Variants in REDIC1 observed in about 807,000 individuals in gnomAD.
The protein encoded by REDIC1 is regulator of DNA class I crossover intermediates 1, also known as HEI10 Interacting Protein 1.
the REDIC1 span, among the ~76,000 whole-genome samples, chr12:39,698,716 T>G: frequency 6.6e-6 from 1 of 152,122 alleles, no homozygotes; most frequent in African/African-American, 2.4e-5. Context: ...ACATGAAAAT[T>G]AAACAGTATG....
the REDIC1 span, among the ~76,000 whole-genome samples, chr12:39,786,346 C>T: frequency 2.6e-5 from 4 of 152,330 alleles, no homozygotes; most frequent in African/African-American, 9.6e-5. Flanking sequence ...TTGCTGCTGC[C>T]ATGTAAGAAG....
At chr12:39,867,139 T>C in the REDIC1 span, among the ~76,000 whole-genome samples, 1 of 152,228 alleles carries the variant, frequency 6.6e-6, no homozygotes, top group South Asian at 2.1e-4. Flanking sequence ...CCATGAGATT[T>C]ACTGTTAGTC....
chr12:39,801,354 A>T, the REDIC1 span, among the ~76,000 whole-genome samples: 4 of 150,586 alleles, frequency 2.7e-5, no homozygotes, highest in Non-Finnish European at 5.9e-5. Flanking sequence ...AAAAAAAAAA[A>T]AAAAAAGAAA....
the REDIC1 span, among the ~76,000 whole-genome samples, chr12:39,733,248 G>GAA: frequency 6.6e-6 from 1 of 152,094 alleles, no homozygotes; most frequent in Non-Finnish European, 1.5e-5. Context: ...ATAAAATGTT[G>GAA]AAATGTTTGA....
chr12:39,690,400 G>T, the REDIC1 span, among the ~76,000 whole-genome samples: 2 of 152,108 alleles, frequency 1.3e-5, no homozygotes, highest in African/African-American at 4.8e-5. Context: ...GTATTCACCA[G>T]AGAAGTGGAG....
At chr12:39,650,172 T>C in the REDIC1 span, 1 of 1,338,378 alleles carries the variant, frequency 7.5e-7, no homozygotes, top group South Asian at 2.0e-5. The surrounding 1 kb of genome is among the most constrained non-coding windows in gnomAD (Gnocchi z 4.3). Flanking sequence ...CATTTTATGG[T>C]AAATAATTTA....
chr12:39,879,123 A>C, the REDIC1 span, among the ~76,000 whole-genome samples: 1 of 152,256 alleles, frequency 6.6e-6, no homozygotes, highest in South Asian at 2.1e-4. Flanking sequence ...GCAGAATGCA[A>C]AAGTGAAGAA....
At chr12:39,690,016 G>T in the REDIC1 span, among the ~76,000 whole-genome samples, 1 of 152,158 alleles carries the variant, frequency 6.6e-6, no homozygotes, top group Non-Finnish European at 1.5e-5. Flanking sequence ...ACTTTAAATT[G>T]TGATGCCTGG....
the REDIC1 span, among the ~76,000 whole-genome samples, chr12:39,863,032 A>T: frequency 6.6e-6 from 1 of 152,166 alleles, no homozygotes; most frequent in African/African-American, 2.4e-5. Context: ...ATTCCCACAA[A>T]GCCTAATATG....
the REDIC1 span, among the ~76,000 whole-genome samples, chr12:39,706,535 G>A: frequency 6.6e-6 from 1 of 151,880 alleles, no homozygotes; most frequent in Non-Finnish European, 1.5e-5. Context: ...TGAAGGAATA[G>A]CATTCTCTTA....
chr12:39,641,023 A>C, the REDIC1 span: 1 of 1,577,466 alleles, frequency 6.3e-7, no homozygotes, highest in South Asian at 1.1e-5. Flanking sequence ...TATTTTTGTC[A>C]GCCTTATGAG....
At chr12:39,887,508 G>T in the REDIC1 span, among the ~76,000 whole-genome samples, 13 of 152,158 alleles carry the variant, frequency 8.5e-5, no homozygotes, top group African/African-American at 2.9e-4. Context: ...GAAAAAAGGG[G>T]ATAAAAAAGG....
At chr12:39,673,070 A>G in the REDIC1 span, among the ~76,000 whole-genome samples, 1 of 151,774 alleles carries the variant, frequency 6.6e-6, no homozygotes, top group Non-Finnish European at 1.5e-5. Flanking sequence ...CTCTCATTTA[A>G]CCTTTTCCCA....
At chr12:39,808,305 AT>A in the REDIC1 span, among the ~76,000 whole-genome samples, 1 of 152,152 alleles carries the variant, frequency 6.6e-6, no homozygotes, top group East Asian at 1.9e-4. Context: ...TCTGGGTAGT[AT>A]TTAATTATAT....
At chr12:39,723,056 G>A in the REDIC1 span, among the ~76,000 whole-genome samples, 1 of 152,122 alleles carries the variant, frequency 6.6e-6, no homozygotes, top group Non-Finnish European at 1.5e-5. Context: ...CCAAGGCTCA[G>A]GTGAGCTTCC....
chr12:39,726,970 A>ACATTTTG, the REDIC1 span, among the ~76,000 whole-genome samples: 2 of 152,096 alleles, frequency 1.3e-5, no homozygotes, highest in African/African-American at 2.4e-5. Flanking sequence ...TTCTTTTGAG[A>ACATTTTG]AGTGTCTGTT....
the REDIC1 span, among the ~76,000 whole-genome samples, chr12:39,784,302 T>C: frequency 6.6e-6 from 1 of 152,176 alleles, no homozygotes; most frequent in Non-Finnish European, 1.5e-5. Flanking sequence ...GCTGGAGGCA[T>C]CACGCTACCT....
chr12:39,729,047 CTCT>C, the REDIC1 span, among the ~76,000 whole-genome samples: 1 of 142,952 alleles, frequency 7.0e-6, no homozygotes, highest in Admixed American at 6.9e-5. Flanking sequence ...TGATTCTTCT[CTCT>C]TCTTCTTTGT....
the REDIC1 span, chr12:39,648,084 T>G: frequency 4.0e-6 from 3 of 742,322 alleles, no homozygotes; most frequent in Non-Finnish European, 5.8e-6. Flanking sequence ...TTGCTATACA[T>G]ATAAACAAAT....
Sources: allele counts gnomAD v4.1 joint callset (sites outside exome capture counted in the v4.1 genomes callset), GRCh38; gene constraint gnomAD v4.1.1; non-coding constraint Gnocchi (gnomAD v3.1); transcripts MANE v1.5; gene names NCBI Gene and HGNC (gene_info 2026-07-23, HGNC 2026-07-21).